PHACTR1: variants seen among roughly 807,000 people sequenced by gnomAD.
PHACTR1 encodes phosphatase and actin regulator 1.
PHACTR1 carries 16 observed loss-of-function variants against 69.2 expected under a neutral mutation model. That is an observed-to-expected ratio of 0.23 (90% CI 0.16 to 0.35). The LOEUF is 0.35. Among genes scored for constraint, PHACTR1 ranks in the 10% least tolerant of loss-of-function variants. PHACTR1 has a pLI of 1.00. For missense variants in PHACTR1, 510 were observed against 734.7 expected, an observed-to-expected ratio of 0.69 and a Z score of 3.54; for synonymous variants, 312 against 284.5, an observed-to-expected ratio of 1.10 and a Z score of -0.97.
At chr6:12,928,889 C>T (rs568333230) in intron 4 of PHACTR1, among the ~76,000 whole-genome samples, 1 of 152,150 alleles carries the variant, frequency 6.6e-6, no homozygotes, top group Admixed American at 6.5e-5. Flanking sequence ...ACATGAGTCT[C>T]GAAGGAGAAG....
chr6:12,727,179 C>T lies in PHACTR1; in HGVS notation c.103+8332C>T, dbSNP rs149266524. ...TCCATTTCAGACCTCTAATTGCTCA[C>T]ACCCAGGCTTTCCAAACCTGTGTTT... On this transcript the variant is annotated intron_variant, in intron 3 of 14. Coordinates refer to ENST00000332995, the MANE Select transcript of PHACTR1 (RefSeq NM_030948.6). Among the ~76,000 whole-genome samples the T allele has an allele frequency of 9.6e-3, 1,464 of 152,296 alleles. 13 individuals are homozygous for T. The highest frequency in any genetic ancestry group is 0.017 in the Middle Eastern group (5 of 294).
intron 4 of PHACTR1, among the ~76,000 whole-genome samples, chr6:12,864,207 C>T (rs1456254753): frequency 6.6e-6 from 1 of 152,196 alleles, no homozygotes; most frequent in African/African-American, 2.4e-5. Flanking sequence ...CAAACTTTTA[C>T]TGCATGTATG....
intron 4 of PHACTR1, among the ~76,000 whole-genome samples, chr6:12,902,187 C>T (rs977874157): frequency 1.2e-4 from 18 of 152,038 alleles, no homozygotes; most frequent in African/African-American, 3.6e-4. Flanking sequence ...CTTTGGGGGA[C>T]GGAGGGAGGT....
chr6:12,880,752 GA>G (rs564716001), intron 4 of PHACTR1, among the ~76,000 whole-genome samples: 197 of 151,648 alleles, frequency 1.3e-3, no homozygotes, highest in African/African-American at 4.6e-3. Flanking sequence ...CAAAGGAAAA[GA>G]AAAAAAAGAA....
chr6:12,731,944 C>A (rs1485723266), intron 3 of PHACTR1, among the ~76,000 whole-genome samples: 2 of 151,560 alleles, frequency 1.3e-5, no homozygotes, highest in Non-Finnish European at 2.9e-5. Context: ...TGTCATTATA[C>A]TCAGGTTCAA....
At chr6:13,263,234 T>C (rs1334293466) in intron 10 of PHACTR1, among the ~76,000 whole-genome samples, 1 of 121,520 alleles carries the variant, frequency 8.2e-6, no homozygotes, top group Non-Finnish European at 1.6e-5. Flanking sequence ...TTTGGGCTTT[T>C]AGTGTTTTTT....
At chr6:12,749,610 T>TCTCC in intron 3 of PHACTR1, 34 bp from the exon 4 acceptor site, 1 of 1,304,542 alleles carries the variant, frequency 7.7e-7, no homozygotes, top group East Asian at 5.0e-5. Flanking sequence ...CTTCCGCCTC[T>TCTCC]CTCCCTCTCC....
At chr6:12,902,338 A>G (rs1032118047) in intron 4 of PHACTR1, among the ~76,000 whole-genome samples, 5 of 152,294 alleles carry the variant, frequency 3.3e-5, no homozygotes, top group Admixed American at 3.3e-4. Flanking sequence ...CAGGAGAGTC[A>G]CTTGAACTCG....
intron 5 of PHACTR1, among the ~76,000 whole-genome samples, chr6:13,096,538 T>G (rs1056679078): frequency 6.6e-6 from 1 of 152,182 alleles, no homozygotes; most frequent in Non-Finnish European, 1.5e-5. Context: ...ATTAATATAA[T>G]ATTAGTAATT....
intron 4 of PHACTR1, among the ~76,000 whole-genome samples, chr6:13,012,460 C>T (rs1004714697): frequency 6.6e-6 from 1 of 152,222 alleles, no homozygotes; most frequent in African/African-American, 2.4e-5. Context: ...TTAACTGACA[C>T]TATTCCAGTA....
intron 5 of PHACTR1, among the ~76,000 whole-genome samples, chr6:13,054,209 A>G (rs1364842422): frequency 6.6e-6 from 1 of 152,240 alleles, no homozygotes; most frequent in Non-Finnish European, 1.5e-5. Flanking sequence ...TCGTCTGTAA[A>G]ATAGAAGTAA....
chr6:12,724,239 A>C (rs1192065486), intron 3 of PHACTR1, among the ~76,000 whole-genome samples: 1 of 152,194 alleles, frequency 6.6e-6, no homozygotes, highest in Non-Finnish European at 1.5e-5. Context: ...AGGCAGGAGA[A>C]TCACTTGGAC....
intron 5 of PHACTR1, among the ~76,000 whole-genome samples, chr6:13,060,713 AGAG>A (rs777467562): frequency 8.5e-5 from 13 of 152,136 alleles, no homozygotes; most frequent in Non-Finnish European, 1.6e-4. Context: ...CCTAACAGGG[AGAG>A]GAGGAGAAGA....
chr6:13,241,883 C>A (rs1164347413), intron 10 of PHACTR1, among the ~76,000 whole-genome samples: 4 of 148,970 alleles, frequency 2.7e-5, no homozygotes, highest in African/African-American at 7.4e-5. Context: ...AAAAAAAAAA[C>A]CTAGCCAGGT....
intron 4 of PHACTR1, among the ~76,000 whole-genome samples, chr6:12,988,277 T>G (rs1329516060): frequency 6.6e-6 from 1 of 152,232 alleles, no homozygotes; most frequent in Non-Finnish European, 1.5e-5. Flanking sequence ...TTAAATAGTC[T>G]TCATCCAGAC....
intron 4 of PHACTR1, among the ~76,000 whole-genome samples, chr6:12,995,501 A>T (rs1026955724): frequency 1.3e-5 from 2 of 152,110 alleles, no homozygotes; most frequent in Non-Finnish European, 2.9e-5. Flanking sequence ...TATTACTATT[A>T]AATAAAATAG....
chr6:12,784,685 C>CGT (rs1480487062), intron 4 of PHACTR1, among the ~76,000 whole-genome samples: 1 of 151,362 alleles, frequency 6.6e-6, no homozygotes, highest in East Asian at 1.9e-4. Context: ...CACATCCACA[C>CGT]GTGTATATAT....
At chr6:12,776,570 G>A (rs1770088465) in intron 4 of PHACTR1, among the ~76,000 whole-genome samples, 1 of 152,204 alleles carries the variant, frequency 6.6e-6, no homozygotes, top group Non-Finnish European at 1.5e-5. Flanking sequence ...ACTCAGAAAT[G>A]CCTTGTGTTG....
chr6:12,944,984 G>T (rs962554489), intron 4 of PHACTR1, among the ~76,000 whole-genome samples: 6 of 151,738 alleles, frequency 4.0e-5, no homozygotes, highest in Non-Finnish European at 8.8e-5. Context: ...GGGTTTCACC[G>T]TGTTAGCCAG....
Sources: gnomAD v4.1 joint callset for allele counts (sites outside exome capture counted in the v4.1 genomes callset) on GRCh38, gnomAD v4.1.1 for gene constraint, MANE v1.5 for transcripts, NCBI Gene and HGNC (gene_info 2026-07-23, HGNC 2026-07-21) for gene names.